The following MALT1 variants were observed in gnomAD, a reference collection of about 807,000 sequenced individuals.
The protein encoded by MALT1 is MALT1 paracaspase.
In MALT1, 36 loss-of-function variants were observed where a neutral mutation model predicts 85.5. The observed-to-expected ratio is 0.42, with a 90% CI of 0.32 to 0.56. The LOEUF (loss-of-function observed/expected upper bound fraction) is 0.56, where lower values mean the gene tolerates loss of function less well. Among genes scored for constraint, MALT1 ranks in the 20% least tolerant of loss-of-function variants. The pLI, the probability that MALT1 is intolerant of heterozygous loss-of-function variation, is 0.10. For synonymous variants in MALT1, 359 were observed against 361.3 expected (o/e 0.99, Z 0.07); for missense variants, 716 against 981.6 (o/e 0.73, Z 3.62).
rs2055396799 is a variant in MALT1, at chr18:58,748,098, A to G, written c.*256A>G. ...TATGGAGGTGTGTATGTTTATATGT[A>G]TATAACAAAATATTTTCATTGTGAC... On this transcript the variant is annotated 3_prime_UTR_variant, in exon 17 of 17. Coordinates refer to ENST00000649217, the MANE Select transcript of MALT1 (RefSeq NM_006785.4). The G allele has an allele frequency of 2.4e-6, 1 of 413,582 alleles. No homozygotes were observed. The highest frequency in any genetic ancestry group is 4.4e-6 in the Non-Finnish European group (1 of 229,000). The allele number at this position is 413,582 out of a possible 1,614,324, so 25.6% of individuals were successfully genotyped here. A position where few individuals can be genotyped will look rare whatever the true frequency, so the allele number is the denominator to read the frequency against.
chr18:58,708,124 T>G (rs1449018273), intron 4 of MALT1, among the ~76,000 whole-genome samples: 1 of 152,206 alleles, frequency 6.6e-6, no homozygotes, highest in Non-Finnish European at 1.5e-5. Flanking sequence ...GAGGGCCTCG[T>G]GGGCCTCCAA....
At chr18:58,742,474 A>G (rs2055314499) in intron 14 of MALT1, among the ~76,000 whole-genome samples, 1 of 152,190 alleles carries the variant, frequency 6.6e-6, no homozygotes, top group African/African-American at 2.4e-5. Flanking sequence ...TGGGAGGCCA[A>G]GGCAGGTGGA....
chr18:58,678,119 G>C (rs895832349), intron 1 of MALT1, among the ~76,000 whole-genome samples: 2 of 152,176 alleles, frequency 1.3e-5, no homozygotes, highest in Non-Finnish European at 2.9e-5. Flanking sequence ...CTATGAGGTA[G>C]ATAATATTAC....
chr18:58,743,045 A>G (rs2055323054), intron 14 of MALT1, among the ~76,000 whole-genome samples: 1 of 152,162 alleles, frequency 6.6e-6, no homozygotes, highest in South Asian at 2.1e-4. Context: ...GTATTTAATG[A>G]ACTTCTATAA....
At chr18:58,717,081 G>T (rs2054911657) in intron 9 of MALT1, among the ~76,000 whole-genome samples, 1 of 152,198 alleles carries the variant, frequency 6.6e-6, no homozygotes, top group African/African-American at 2.4e-5. Flanking sequence ...TGAGGAAAAG[G>T]CTGGGCATGG....
In MALT1 at chr18:58,740,928, T is replaced by G. The variant is rs118185388; in HGVS notation, c.1604-937T>G. On this transcript the variant is annotated intron_variant, in intron 13 of 16. Transcript: ENST00000649217. The stretch of plus-strand genomic sequence containing the variant: ...CATATATAGTGACTATTTTCGTGTT[T>G]TAAATGTTTATATTTTCTTATTGAA... Among the ~76,000 whole-genome samples, 333 of 152,284 alleles carry G rather than the reference T, an allele frequency of 2.2e-3. 1 individual carries two copies. The highest frequency in any genetic ancestry group is 3.8e-3 in the Non-Finnish European group (258 of 67,984).
At chr18:58,707,262 C>T (rs1164712627) in intron 4 of MALT1, among the ~76,000 whole-genome samples, 1 of 151,738 alleles carries the variant, frequency 6.6e-6, no homozygotes, top group Non-Finnish European at 1.5e-5. Flanking sequence ...AGTTGATTAA[C>T]TGCCTTTTTC....
At chr18:58,699,593 A>G (rs950090213) in intron 3 of MALT1, among the ~76,000 whole-genome samples, 3 of 152,226 alleles carry the variant, frequency 2.0e-5, no homozygotes, top group Non-Finnish European at 4.4e-5. Flanking sequence ...TTTGCATTGT[A>G]TACTTAAAAG....
intron 14 of MALT1, 65 bp from the exon 15 acceptor site, chr18:58,744,273 T>C: frequency 1.9e-6 from 2 of 1,046,364 alleles, no homozygotes; most frequent in Non-Finnish European, 2.8e-6. Flanking sequence ...TATATTCTCC[T>C]CCATAAATAT....
At position 58,750,946 on chromosome 18, in the gene MALT1, A is replaced by C. The variant is rs1393886614; in HGVS notation, c.*3104A>C. 1 of 152,228 alleles carries C rather than the reference A, an allele frequency of 6.6e-6. No homozygotes were observed. Among genetic ancestry groups the C allele is most frequent in the African/African-American group, 2.4e-5 (1 of 41,450 alleles). The allele number at this position is 152,228 out of a possible 1,614,324, so 9.4% of individuals were successfully genotyped here. A position where few individuals can be genotyped will look rare whatever the true frequency, so the allele number is the denominator to read the frequency against. On this transcript the variant is annotated 3_prime_UTR_variant, in exon 17 of 17. Coordinates refer to ENST00000649217, the MANE Select transcript of MALT1 (RefSeq NM_006785.4). Reference sequence around the variant, plus strand: ...AAGTGAAGTTAACCCTCAGAATGGGAGAAAAATTTTTGAAAAATCATGTAT... The same window carrying C: ...AAGTGAAGTTAACCCTCAGAATGGGCGAAAAATTTTTGAAAAATCATGTAT...
intron 2 of MALT1, among the ~76,000 whole-genome samples, chr18:58,683,457 G>C (rs1325377987): frequency 6.6e-6 from 1 of 152,156 alleles, no homozygotes; most frequent in African/African-American, 2.4e-5. Context: ...AATGACAGGG[G>C]CCTCATATCT....
At chr18:58,735,393 A>G in intron 13 of MALT1, 64 bp downstream of exon 13, 1 of 1,519,874 alleles carries the variant, frequency 6.6e-7, no homozygotes, top group South Asian at 1.3e-5. Context: ...ACACCTATTC[A>G]GGGTTCCCTC....
At chr18:58,707,725 A>G (rs1055883992) in intron 4 of MALT1, among the ~76,000 whole-genome samples, 1 of 152,194 alleles carries the variant, frequency 6.6e-6, no homozygotes, top group Non-Finnish European at 1.5e-5. Context: ...ATTGAAATTA[A>G]TATTTTTATG....
In MALT1 at chr18:58,723,042, T is replaced by TC. The variant is rs763411265; in HGVS notation, c.1019-5dup. On this transcript the variant is annotated splice_polypyrimidine_tract_variant and splice_region_variant and intron_variant, in intron 9 of 16. Transcript: ENST00000649217. Reference sequence around the variant, plus strand: ...TTTAAACACCCCCTTTCTTTTTTTTTCAAAGCGAAGGACAAGGTTGCCCTT... The same window carrying TC: ...TTTAAACACCCCCTTTCTTTTTTTTTCCAAAGCGAAGGACAAGGTTGCCCTT... 1 of 1,610,954 alleles carries TC rather than the reference T, an allele frequency of 6.2e-7. No homozygotes were observed. The highest frequency in any genetic ancestry group is 2.2e-5 in the East Asian group (1 of 44,838).
At chr18:58,672,104 T>G in intron 1 of MALT1, 1 of 322,682 alleles carries the variant, frequency 3.1e-6, no homozygotes, top group Non-Finnish European at 5.6e-6. Flanking sequence ...TCGCTCCCTG[T>G]TCCCACCCCC....
intron 10 of MALT1, among the ~76,000 whole-genome samples, chr18:58,726,790 C>T (rs947905377): frequency 6.6e-6 from 1 of 152,168 alleles, no homozygotes; most frequent in Admixed American, 6.5e-5. Context: ...CTGTGTTCAT[C>T]GCTTGCTGCA....
intron 2 of MALT1, among the ~76,000 whole-genome samples, chr18:58,685,673 T>G (rs1360522365): frequency 6.6e-6 from 1 of 152,228 alleles, no homozygotes; most frequent in African/African-American, 2.4e-5. Context: ...TCTGTTGCTT[T>G]CTTTCTTGTC....
chr18:58,685,966 A>G (rs115302629), intron 2 of MALT1, among the ~76,000 whole-genome samples: 2 of 152,076 alleles, frequency 1.3e-5, no homozygotes, highest in African/African-American at 4.8e-5. Flanking sequence ...AAAGCAACCA[A>G]TATTGACATC....
At chr18:58,676,703 G>T (rs1179293939) in intron 1 of MALT1, among the ~76,000 whole-genome samples, 1 of 152,194 alleles carries the variant, frequency 6.6e-6, no homozygotes, top group Non-Finnish European at 1.5e-5. Flanking sequence ...TACACAAAAA[G>T]ATATCTCTGT....
Sources: allele counts gnomAD v4.1 joint callset (sites outside exome capture counted in the v4.1 genomes callset), GRCh38; gene constraint gnomAD v4.1.1; transcripts MANE v1.5; gene names NCBI Gene and HGNC (gene_info 2026-07-23, HGNC 2026-07-21).